The following CACHD1 variants were observed in gnomAD, a reference collection of about 807,000 sequenced individuals.
CACHD1 encodes the protein VWFA and cache domain-containing protein 1.
Under a neutral mutation model 138.7 loss-of-function variants are expected in CACHD1, and 71 were observed. The ratio of observed to expected loss-of-function variants is 0.51; its 90% CI spans 0.42 to 0.62. The LOEUF is 0.62. CACHD1 is among the 20% of genes least tolerant of loss of function. CACHD1 has a pLI of 0.00. For synonymous variants in CACHD1, 578 were observed against 591.5 expected (o/e 0.98, Z 0.33); for missense variants, 1,389 against 1,625.3 (o/e 0.85, Z 2.50).
chr1:64,561,140 A>T (rs1646835704), intron 2 of CACHD1, among the ~76,000 whole-genome samples: 1 of 151,958 alleles, frequency 6.6e-6, no homozygotes, highest in African/African-American at 2.4e-5. Context: ...GGAAATGTTT[A>T]ATAAATTAAT....
intron 1 of CACHD1, among the ~76,000 whole-genome samples, chr1:64,515,270 G>A (rs60771330): frequency 6.6e-6 from 1 of 151,946 alleles, no homozygotes; most frequent in Non-Finnish European, 1.5e-5. Flanking sequence ...AATTGCTTTG[G>A]AGTGTCCTTT....
In CACHD1 at chr1:64,470,897, G is replaced by C; in HGVS notation, c.153G>C (p.Gln51His). 2 of 1,609,714 alleles carry C rather than the reference G, an allele frequency of 1.2e-6. No homozygotes were observed. The highest frequency in any genetic ancestry group is 1.7e-6 in the Non-Finnish European group (2 of 1,178,592). Residue 51 changes from glutamine to histidine, a missense_variant, in exon 1 of 27, where the codon CAG (glutamine) becomes CAC (histidine). Gln to His is a conservative substitution (Grantham distance 24). This residue lies in a region of CACHD1 where 1,000 missense variants were observed against 1,114.7 expected (regional missense o/e 0.90). Transcript: ENST00000651257. The surrounding 1 kb of genome is among the most constrained non-coding windows in gnomAD (Gnocchi z 5.2). ...ACGAGGCGCAAGTGCTGGCGAGCCA[G>C]ATGCGGAGGCTGGCGGCCGAGGAGC... Reference protein sequence around the residue: ...ILDEAQVLASQMRRLAAEELG... With the variant: ...ILDEAQVLASHMRRLAAEELG...
At position 64,634,144 on chromosome 1, in the gene CACHD1, T is replaced by C. The variant is rs1648417856; in HGVS notation, c.890T>C (p.Met297Thr). Residue 297 changes from methionine (M) to threonine (T), a missense_variant, in exon 7 of 27, where the codon ATG (methionine) becomes ACG (threonine). Around this residue, in one of 5 missense-constraint regions of CACHD1, gnomAD observed 1,000 missense variants for 1,114.7 expected, o/e 0.90. Coordinates refer to ENST00000651257, the MANE Select transcript of CACHD1 (RefSeq NM_020925.4). The part of the protein sequence containing the change: ...SPATSETKRK[M>T]STFVSSVKSS... ...GCCACCAGTGAGACAAAAAGGAAAA[T>C]GTCCACCTTTGTTAGCAGCGTGAAG... The C allele has an allele frequency of 9.3e-6, 15 of 1,613,278 alleles. No homozygotes were observed. The highest frequency in any genetic ancestry group is 1.3e-5 in the Non-Finnish European group (15 of 1,179,872).
intron 3 of CACHD1, among the ~76,000 whole-genome samples, chr1:64,599,004 A>G (rs1647188314): frequency 6.6e-6 from 1 of 151,342 alleles, no homozygotes; most frequent in Non-Finnish European, 1.5e-5. Context: ...AGCCCCCATG[A>G]ATGGCATTAG....
intron 2 of CACHD1, among the ~76,000 whole-genome samples, chr1:64,566,341 AC>A (rs983858202): frequency 1.3e-5 from 2 of 152,184 alleles, no homozygotes; most frequent in Admixed American, 6.5e-5. Context: ...ATCCTCAAAA[AC>A]AACTCTTCCA....
chr1:64,569,210 C>G (rs1646907430), intron 2 of CACHD1, among the ~76,000 whole-genome samples: 1 of 152,226 alleles, frequency 6.6e-6, no homozygotes, highest in South Asian at 2.1e-4. Flanking sequence ...CATGAGCCAC[C>G]ACGCCCAGCC....
chr1:64,585,149 A>G (rs1647042208), intron 3 of CACHD1, among the ~76,000 whole-genome samples: 1 of 152,238 alleles, frequency 6.6e-6, no homozygotes. Context: ...TGAGATGGTA[A>G]GATGCAGCCA....
chr1:64,673,501 C>T (rs906006088), intron 19 of CACHD1, 37 bp downstream of exon 19: 31 of 1,467,498 alleles, frequency 2.1e-5, no homozygotes, highest in Admixed American at 5.0e-5. Context: ...CTCATTTTTC[C>T]ATCCCATTAT....
chr1:64,674,738 C>A (rs1029693583), intron 19 of CACHD1, among the ~76,000 whole-genome samples: 5 of 152,128 alleles, frequency 3.3e-5, no homozygotes, highest in African/African-American at 9.7e-5. Flanking sequence ...GTATCTGACA[C>A]ACATGCAGAA....
At chr1:64,636,410 C>T (rs1348797944) in intron 7 of CACHD1, among the ~76,000 whole-genome samples, 1 of 152,182 alleles carries the variant, frequency 6.6e-6, no homozygotes, top group Non-Finnish European at 1.5e-5. Flanking sequence ...TTTTGTGGGT[C>T]AGGAGTCCAA....
chr1:64,498,882 A>G (rs1646322147), intron 1 of CACHD1, among the ~76,000 whole-genome samples: 1 of 152,228 alleles, frequency 6.6e-6, no homozygotes, highest in East Asian at 1.9e-4. Flanking sequence ...CTTAAAGTAC[A>G]TTGGTCATTT....
chr1:64,541,320 A>G (rs768575335), intron 1 of CACHD1, among the ~76,000 whole-genome samples: 1 of 152,264 alleles, frequency 6.6e-6, no homozygotes, highest in Non-Finnish European at 1.5e-5. Flanking sequence ...TAGAAATTCT[A>G]AAGACTGGAA....
intron 3 of CACHD1, among the ~76,000 whole-genome samples, chr1:64,585,476 C>G (rs1233091468): frequency 1.3e-5 from 2 of 152,132 alleles, no homozygotes. Context: ...AAATACACAC[C>G]AAGTAAGCAG....
intron 24 of CACHD1, among the ~76,000 whole-genome samples, chr1:64,680,218 G>A (rs927485242): frequency 3.9e-5 from 6 of 152,200 alleles, no homozygotes; most frequent in African/African-American, 1.4e-4. Flanking sequence ...GCCAATCGCG[G>A]TGGCTCATGC....
chr1:64,618,876 G>A (rs1460043720), intron 4 of CACHD1, among the ~76,000 whole-genome samples: 1 of 152,092 alleles, frequency 6.6e-6, no homozygotes, highest in Non-Finnish European at 1.5e-5. Context: ...GGACAGCTTG[G>A]TGTGTTTTTC....
chr1:64,609,399 T>C (rs1450038450), intron 4 of CACHD1, among the ~76,000 whole-genome samples: 2 of 152,202 alleles, frequency 1.3e-5, no homozygotes, highest in African/African-American at 2.4e-5. Flanking sequence ...AAAAGCTGTT[T>C]AGTCACTCAG....
chr1:64,662,133 C>T (rs1475993867), intron 13 of CACHD1, among the ~76,000 whole-genome samples: 1 of 152,126 alleles, frequency 6.6e-6, no homozygotes, highest in Non-Finnish European at 1.5e-5. Flanking sequence ...GGAAGAGAAG[C>T]AAAAATCAAA....
intron 1 of CACHD1, among the ~76,000 whole-genome samples, chr1:64,515,242 C>A (rs1646449962): frequency 6.6e-6 from 1 of 152,094 alleles, no homozygotes; most frequent in South Asian, 2.1e-4. Context: ...TTAATTGAAC[C>A]AGATACTTAC....
intron 1 of CACHD1, among the ~76,000 whole-genome samples, chr1:64,517,375 A>G (rs962780214): frequency 5.9e-5 from 9 of 152,328 alleles, no homozygotes; most frequent in East Asian, 1.9e-4. Context: ...AAATGATATC[A>G]TATGTTGGAG....
Sources: allele counts gnomAD v4.1 joint callset (sites outside exome capture counted in the v4.1 genomes callset), GRCh38; gene constraint gnomAD v4.1.1; regional missense constraint gnomAD v4.1.1; non-coding constraint Gnocchi (gnomAD v3.1); transcripts MANE v1.5; gene names NCBI Gene and HGNC (gene_info 2026-07-23, HGNC 2026-07-21).